The following SAMD11 variants were observed in gnomAD, a reference collection of about 807,000 sequenced individuals.
SAMD11 encodes the protein sterile alpha motif domain containing 11.
In SAMD11, 77 loss-of-function variants were observed where a neutral mutation model predicts 64.4. The ratio of observed to expected loss-of-function variants is 1.20; its 90% CI spans 0.99 to 1.44. The LOEUF is 1.44. SAMD11 is among the 40% of genes most tolerant of loss of function. The pLI is 0.00. For synonymous variants in SAMD11, 658 were observed against 421.9 expected, an observed-to-expected ratio of 1.56 and a Z score of -6.86; for missense variants, 1,402 against 943.3, an observed-to-expected ratio of 1.49 and a Z score of -6.37.
intron 2 of SAMD11, among the ~76,000 whole-genome samples, chr1:926,744 A>C (rs13303101): frequency 1.3e-5 from 2 of 152,042 alleles, no homozygotes; most frequent in Admixed American, 6.5e-5. Flanking sequence ...GTTGGGCAGC[A>C]AGGGTTAGAG....
At position 927,328 on chromosome 1, in the gene SAMD11, C is replaced by G. The variant is rs138547706; in HGVS notation, c.609+1315C>G. On this transcript the variant is annotated intron_variant, in intron 2 of 13. Transcript: ENST00000616016. ...GGTCTCTGTTTGGATTTGAGCGGCC[C>G]CCTTGAGGGCTCCCCCAGGAGTGGG... Among the ~76,000 whole-genome samples, 587 of 152,278 alleles carry G rather than the reference C, an allele frequency of 3.9e-3. 7 individuals are homozygous for G. Among genetic ancestry groups the G allele is most frequent in the African/African-American group, 0.013 (557 of 41,550 alleles).
intron 4 of SAMD11, among the ~76,000 whole-genome samples, chr1:932,638 C>G (rs879558265): frequency 2.3e-4 from 35 of 152,308 alleles, no homozygotes; most frequent in Non-Finnish European, 4.6e-4. Context: ...TCCCTGGGTC[C>G]TTCTGCCTCT....
rs1569927973 is a variant in SAMD11 at position 944,397 on chromosome 1, T to C, written c.*244T>C. On this transcript the variant is annotated 3_prime_UTR_variant, in exon 14 of 14. Coordinates refer to ENST00000616016, the MANE Select transcript of SAMD11 (RefSeq NM_001385641.1). The stretch of plus-strand genomic sequence containing the variant: ...GAGGTGGTGGAAGGGGCCAGGGGCC[T>C]GCAGGCCTCCCCCTGGAACTGGGAC... 1 of 1,243,076 alleles carries C rather than the reference T, an allele frequency of 8.0e-7. No homozygotes were observed. The highest frequency in any genetic ancestry group is 1.0e-6 in the Non-Finnish European group (1 of 958,018). The allele number at this position is 1,243,076 out of a possible 1,614,324, so 77.0% of individuals were successfully genotyped here. A position where few individuals can be genotyped will look rare whatever the true frequency, so the allele number is the denominator to read the frequency against.
chr1:940,947 TC>T, intron 7 of SAMD11, 196 bp from the exon 8 acceptor site: 2 of 528,128 alleles, frequency 3.8e-6, no homozygotes, highest in South Asian at 2.6e-5. Context: ...TCCCGACACT[TC>T]CTCGCCCAGC....
At chr1:943,486 C>G in intron 12 of SAMD11, 109 bp downstream of exon 12, 2 of 1,085,160 alleles carry the variant, frequency 1.8e-6, no homozygotes, top group African/African-American at 1.6e-5. Context: ...TCTCCCTCCC[C>G]AAAAGCAGTG....
chr1:926,128 G>A (rs1000001574), intron 2 of SAMD11, 115 bp downstream of exon 2: 74 of 1,004,208 alleles, frequency 7.4e-5, no homozygotes, highest in Non-Finnish European at 1.1e-4. Context: ...CGGGTGTGCT[G>A]GAGGGAGCCT....
chr1:929,276 C>G (rs1641054760), intron 2 of SAMD11, among the ~76,000 whole-genome samples: 1 of 151,964 alleles, frequency 6.6e-6, no homozygotes, highest in Non-Finnish European at 1.5e-5. Context: ...GTCTGTGCTC[C>G]CACCCGAGGC....
At chr1:927,129 C>A (rs1310257342) in intron 2 of SAMD11, among the ~76,000 whole-genome samples, 1 of 152,200 alleles carries the variant, frequency 6.6e-6, no homozygotes, top group East Asian at 1.9e-4. Context: ...CACAATCCGA[C>A]ATGGACCTGC....
At chr1:931,779 A>G (rs960184730) in intron 4 of SAMD11, among the ~76,000 whole-genome samples, 1 of 152,238 alleles carries the variant, frequency 6.6e-6, no homozygotes, top group African/African-American at 2.4e-5. Flanking sequence ...AGGGGGTGTG[A>G]TTCCAGGATG....
Position 931,058 on chromosome 1 carries a change from G to T in SAMD11, c.811G>T (p.Val271Leu). 6.2e-7 allele frequency: 1 copy of T among 1,612,958 alleles called. No homozygotes were observed. Among genetic ancestry groups the T allele is most frequent in the East Asian group, 2.2e-5 (1 of 44,858 alleles). ...CTGCAGAGTCCACACCCACTGGGACGTGAACATCTCTTTCCGAGAGGCGTC... is the reference window on the plus strand; with the variant it reads ...CTGCAGAGTCCACACCCACTGGGACTTGAACATCTCTTTCCGAGAGGCGTC... Reference protein sequence around the residue: ...MKRRVHTHWDVNISFREASCS... With the variant: ...MKRRVHTHWDLNISFREASCS... The change falls in exon 4 of 14, where the codon GTG (valine) becomes TTG (leucine). Residue 271 changes from valine to leucine, a missense_variant. Transcript: ENST00000616016.
chr1:925,631 C>T, intron 1 of SAMD11: 4 of 315,986 alleles, frequency 1.3e-5, no homozygotes, highest in South Asian at 1.1e-4. Context: ...GCCTGCGGTT[C>T]CCTCGGGGCC....
rs774412855 is a variant in SAMD11 at position 943,951 on chromosome 1, C to T, written c.2333C>T (p.Pro778Leu). ...CGAGTTTTCTACGTGGCCAGCTTCC[C>T]CGTGGCTCTGCCACTGCAGCCACCA... ...LGRVFYVASF[P>L]VALPLQPPTL... The change falls in exon 14 of 14, where the codon CCC (proline) becomes CTC (leucine). Residue 778 changes from proline to leucine, a missense_variant. Pro to Leu is a moderately conservative substitution (Grantham distance 98). Coordinates refer to ENST00000616016, the MANE Select transcript of SAMD11 (RefSeq NM_001385641.1). 35 of 1,612,694 alleles carry T rather than the reference C, an allele frequency of 2.2e-5. No homozygotes were observed. Among genetic ancestry groups the T allele is most frequent in the Non-Finnish European group, 2.5e-5 (30 of 1,179,868 alleles).
At chr1:939,237 G>T (rs1460903094) in intron 6 of SAMD11, 38 bp from the exon 7 acceptor site, 3 of 1,563,772 alleles carry the variant, frequency 1.9e-6, no homozygotes, top group African/African-American at 2.7e-5. Context: ...CCTCGGCAGT[G>T]CCTGGAGAAA....
chr1:934,101 G>T (rs374535541), intron 4 of SAMD11, among the ~76,000 whole-genome samples: 2 of 110 alleles, frequency 0.018, no homozygotes, highest in African/African-American at 0.012. Flanking sequence ...CAGGGGAGGC[G>T]GCTCCGTTAC....
Position 944,421 on chromosome 1 carries a change from A to C in SAMD11, c.*268A>C, listed in dbSNP as rs1642023842. The C allele has an allele frequency of 9.0e-7, 1 of 1,109,944 alleles. No individual in the cohort carries two copies. Among genetic ancestry groups the C allele is most frequent in the Non-Finnish European group, 1.2e-6 (1 of 837,268 alleles). The allele number at this position is 1,109,944 out of a possible 1,614,324, so 68.8% of individuals were successfully genotyped here. The stretch of plus-strand genomic sequence containing the variant: ...CTGCAGGCCTCCCCCTGGAACTGGG[A>C]CTGGTCTCGGTCTGCTGACGTCAGG... On this transcript the variant is annotated 3_prime_UTR_variant, in exon 14 of 14. Transcript: ENST00000616016.
At chr1:937,705 C>T (rs921939162) in intron 5 of SAMD11, among the ~76,000 whole-genome samples, 1 of 152,176 alleles carries the variant, frequency 6.6e-6, no homozygotes, top group Non-Finnish European at 1.5e-5. Context: ...TGCCCCCCGC[C>T]GCCCGCCGGG....
At chr1:925,587 C>G (rs897220027) in intron 1 of SAMD11, among the ~76,000 whole-genome samples, 3 of 152,160 alleles carry the variant, frequency 2.0e-5, no homozygotes, top group Non-Finnish European at 4.4e-5. Context: ...GACGGCGCCG[C>G]TCACCGCTCC....
At chr1:940,960 T>C in intron 7 of SAMD11, 184 bp from the exon 8 acceptor site, 1 of 531,222 alleles carries the variant, frequency 1.9e-6, no homozygotes, top group Non-Finnish European at 3.3e-6. Context: ...TCGCCCAGCA[T>C]CTTGTCTGCC....
intron 7 of SAMD11, chr1:940,929 A>C: frequency 3.9e-6 from 2 of 508,304 alleles, no homozygotes; most frequent in East Asian, 3.5e-5. Flanking sequence ...CCTTCGGGGA[A>C]GAGCTTTTCC....
Sources: allele counts gnomAD v4.1 joint callset (sites outside exome capture counted in the v4.1 genomes callset), GRCh38; gene constraint gnomAD v4.1.1; transcripts MANE v1.5; gene names NCBI Gene and HGNC (gene_info 2026-07-23, HGNC 2026-07-21).